Variants in XIRP2 observed in about 807,000 individuals in gnomAD.
XIRP2 encodes xin actin-binding repeat-containing protein 2.
XIRP2 carries 236 observed loss-of-function variants against 277.0 expected under a neutral mutation model. That is an observed-to-expected ratio of 0.85 (90% CI 0.77 to 0.95). The LOEUF (loss-of-function observed/expected upper bound fraction) is 0.95. Among genes scored for constraint, XIRP2 ranks in the 40% least tolerant of loss-of-function variants. XIRP2 has a pLI of 0.00. For missense variants in XIRP2, 4,640 were observed against 4,157.5 expected (o/e 1.12, Z -3.19); for synonymous variants, 1,490 against 1,416.5 (o/e 1.05, Z -1.17).
intron 2 of XIRP2, among the ~76,000 whole-genome samples, chr2:167,056,975 C>A (rs182312883): frequency 9.6e-4 from 146 of 152,172 alleles, no homozygotes; most frequent in African/African-American, 3.4e-3. Context: ...TACTCTTGGG[C>A]AGTTTAACTT....
chr2:167,160,459 C>G (rs1327772287), intron 3 of XIRP2, among the ~76,000 whole-genome samples: 6 of 152,120 alleles, frequency 3.9e-5, no homozygotes, highest in Non-Finnish European at 8.8e-5. Context: ...ACAAAAGAAA[C>G]AGTGTAAAAC....
At chr2:167,058,415 A>T (rs61444994) in intron 2 of XIRP2, among the ~76,000 whole-genome samples, 11,954 of 152,088 alleles carry the variant, frequency 0.079, 843 homozygotes, top group African/African-American at 0.18. Context: ...ATTGTTGCAT[A>T]ACAAAACTCT....
chr2:167,252,512 T>C (rs1233565924), intron 9 of XIRP2, among the ~76,000 whole-genome samples: 4 of 151,982 alleles, frequency 2.6e-5, no homozygotes, highest in African/African-American at 7.2e-5. Flanking sequence ...TTTTCTCTGA[T>C]GCCACATTTT....
chr2:166,999,778 TC>T (rs542769383), intron 2 of XIRP2, among the ~76,000 whole-genome samples: 66 of 152,248 alleles, frequency 4.3e-4, no homozygotes, highest in African/African-American at 1.5e-3. Flanking sequence ...CATTTTTTCT[TC>T]CTGACATAGA....
intron 3 of XIRP2, among the ~76,000 whole-genome samples, chr2:167,156,646 A>G (rs1559000367): frequency 6.6e-6 from 1 of 152,212 alleles, no homozygotes; most frequent in Non-Finnish European, 1.5e-5. Context: ...CATTTTGACA[A>G]AAAGTGATTG....
chr2:167,243,171 T>G lies in XIRP2; in HGVS notation c.1779T>G (p.Ser593=), dbSNP rs1302352671. The change falls in exon 9 of 11, where the codon TCT becomes TCG. Residue 593 remains serine (S), a synonymous_variant. Coordinates refer to ENST00000409195, the MANE Select transcript of XIRP2 (RefSeq NM_152381.6). ...NQPLDSINNG[S]PDEGDISRGI... is the part of the protein sequence containing the mutation. ...CATTGGATTCCATCAACAATGGCTC[T>G]CCTGATGAAGGTGATATTTCCAGGG... The G allele has an allele frequency of 1.9e-6, 3 of 1,614,048 alleles. No individual in the cohort carries two copies. The African/African-American group carries it at 4.0e-5, about 22-fold the overall frequency.
At chr2:166,908,312 T>A (rs1224832256) in intron 2 of XIRP2, among the ~76,000 whole-genome samples, 1 of 152,214 alleles carries the variant, frequency 6.6e-6, no homozygotes, top group Non-Finnish European at 1.5e-5. Context: ...CCATTCTAAC[T>A]GGTGTGAGAT....
chr2:166,955,476 AT>A (rs1008800509), intron 2 of XIRP2, among the ~76,000 whole-genome samples: 18 of 151,844 alleles, frequency 1.2e-4, no homozygotes, highest in African/African-American at 4.3e-4. Flanking sequence ...GGTGAGGGAA[AT>A]GTTCTTAAAA....
At position 167,161,005 on chromosome 2, in the gene XIRP2, G is replaced by T. The variant is rs182806103; in HGVS notation, c.562+24943G>T. On this transcript the variant is annotated intron_variant, in intron 3 of 10. Transcript: ENST00000409195. ...ATTGGCCAAAACAAAGGGGCTATAG[G>T]CCCCAGGCAAGTCCAAAATCCAGCA... Among the ~76,000 whole-genome samples the T allele has an allele frequency of 1.3e-5, 2 of 152,284 alleles. 1 individual carries two copies. The highest frequency in any genetic ancestry group is 3.9e-4 in the East Asian group (2 of 5,174).
rs945130264 is a variant in XIRP2 at position 166,898,182 on chromosome 2, A to G, written c.-18-5283A>G. On this transcript the variant is annotated intron_variant, in intron 1 of 10. Coordinates refer to ENST00000409195, the MANE Select transcript of XIRP2 (RefSeq NM_152381.6). ...TTTCAGGAAGACTCTTCCTCTTGCAATGTCCCTCCAGTGTTTGCTGAGAAA... is the reference window on the plus strand; with the variant it reads ...TTTCAGGAAGACTCTTCCTCTTGCAGTGTCCCTCCAGTGTTTGCTGAGAAA... Among the ~76,000 whole-genome samples the G allele has an allele frequency of 1.6e-4, 24 of 152,230 alleles. No individual in the cohort carries two copies. The East Asian group carries it at 2.9e-3, about 18-fold the overall frequency.
intron 2 of XIRP2, among the ~76,000 whole-genome samples, chr2:167,031,617 C>G (rs1331569231): frequency 6.6e-6 from 1 of 152,066 alleles, no homozygotes; most frequent in East Asian, 1.9e-4. Context: ...TTTCAGGATG[C>G]AAAATCAATG....
chr2:166,935,032 GA>G (rs11372574), intron 2 of XIRP2, among the ~76,000 whole-genome samples: 207 of 144,586 alleles, frequency 1.4e-3, no homozygotes, highest in African/African-American at 2.4e-3. Context: ...CTCCTTCTCA[GA>G]AAAAAAAAAA....
At chr2:166,941,788 T>C (rs113843014) in intron 2 of XIRP2, among the ~76,000 whole-genome samples, 1,827 of 152,320 alleles carry the variant, frequency 0.012, 23 homozygotes, top group Middle Eastern at 0.031. Flanking sequence ...AGAAGAAATA[T>C]TGAAAATGTG....
At chr2:166,896,287 C>T (rs529567107) in intron 1 of XIRP2, among the ~76,000 whole-genome samples, 1 of 152,168 alleles carries the variant, frequency 6.6e-6, no homozygotes, top group South Asian at 2.1e-4. Flanking sequence ...CAGCCTCAGA[C>T]AGGGTCTTCA....
chr2:167,210,946 C>A, intron 4 of XIRP2, 51 bp downstream of exon 4: 1 of 1,594,578 alleles, frequency 6.3e-7, no homozygotes, highest in South Asian at 1.1e-5. Context: ...ACTGTCTGTC[C>A]CAATTCCCTC....
intron 1 of XIRP2, among the ~76,000 whole-genome samples, chr2:166,895,869 G>T (rs1403580974): frequency 6.6e-6 from 1 of 152,132 alleles, no homozygotes; most frequent in African/African-American, 2.4e-5. Flanking sequence ...AAATGTAATA[G>T]TGATTAACAG....
intron 2 of XIRP2, among the ~76,000 whole-genome samples, chr2:167,129,424 C>G (rs1423545341): frequency 1.3e-5 from 2 of 151,996 alleles, no homozygotes; most frequent in Non-Finnish European, 2.9e-5. Flanking sequence ...TTTCAAATGC[C>G]TGGTAAGATG....
intron 5 of XIRP2, among the ~76,000 whole-genome samples, chr2:167,239,364 A>G (rs1226882456): frequency 1.3e-5 from 2 of 152,240 alleles, no homozygotes; most frequent in Non-Finnish European, 2.9e-5. Flanking sequence ...ATTAAGTTGC[A>G]GATGGAATTA....
intron 2 of XIRP2, among the ~76,000 whole-genome samples, chr2:167,080,510 G>A (rs1481966822): frequency 3.3e-5 from 5 of 152,136 alleles, no homozygotes; most frequent in Admixed American, 3.3e-4. Context: ...AGAAGAAAAG[G>A]AGCCTTAGTA....
Sources: allele counts gnomAD v4.1 joint callset (sites outside exome capture counted in the v4.1 genomes callset), GRCh38; gene constraint gnomAD v4.1.1; transcripts MANE v1.5; gene names NCBI Gene and HGNC (gene_info 2026-07-23, HGNC 2026-07-21).